IDH2: variants seen among roughly 807,000 people sequenced by gnomAD.
The protein encoded by IDH2 is isocitrate dehydrogenase [NADP], mitochondrial.
IDH2 carries 18 observed loss-of-function variants against 50.5 expected under a neutral mutation model. That is an observed-to-expected ratio of 0.36 (90% CI 0.25 to 0.53). IDH2 has a LOEUF of 0.53. Ranked by LOEUF, IDH2 falls within the 20% of genes least tolerant of loss-of-function variation. IDH2 has a pLI of 0.92. For missense variants in IDH2, 518 were observed against 610.7 expected (o/e 0.85, Z 1.60); for synonymous variants, 280 against 239.8 (o/e 1.17, Z -1.55).
intron 3 of IDH2, 28 bp downstream of exon 3, chr15:90,090,451 T>G (rs763923400): frequency 1.5e-5 from 24 of 1,610,648 alleles, no homozygotes; most frequent in Non-Finnish European, 2.0e-5. Flanking sequence ...TGACCCTCCC[T>G]GGCCCGCCCA....
chr15:90,097,273 T>C (rs1596080218), intron 1 of IDH2, among the ~76,000 whole-genome samples: 1 of 152,388 alleles, frequency 6.6e-6, no homozygotes, highest in East Asian at 1.9e-4. Context: ...TATATTGTTA[T>C]AATTGTTCTA....
intron 1 of IDH2, among the ~76,000 whole-genome samples, chr15:90,094,872 A>C (rs1901138739): frequency 6.6e-6 from 1 of 151,522 alleles, no homozygotes; most frequent in African/African-American, 2.4e-5. Flanking sequence ...ACTGCACTCC[A>C]GCCTGGGCAA....
chr15:90,097,583 T>C (rs1901214316), intron 1 of IDH2, among the ~76,000 whole-genome samples: 1 of 152,178 alleles, frequency 6.6e-6, no homozygotes, highest in South Asian at 2.1e-4. Flanking sequence ...AGACAAATAC[T>C]ATATGCTTCT....
Position 90,084,018 on chromosome 15 carries a change from T to C in IDH2, c.*248A>G, listed in dbSNP as rs1900788959. On this transcript the variant is annotated 3_prime_UTR_variant, in exon 11 of 11. Transcript: ENST00000330062. The surrounding 1 kb of genome is among the most constrained non-coding windows in gnomAD (Gnocchi z 5.0). ...TTTAGTAGCTAAATATGGCACCATG[T>C]GTTCCAAGGGCAATATAAATTACAG... The C allele has an allele frequency of 8.8e-6, 5 of 566,324 alleles. No homozygotes were observed. The South Asian group carries it at 1.0e-4, about 12-fold the overall frequency. The allele number at this position is 566,324 out of a possible 1,614,324, so 35.1% of individuals were successfully genotyped here.
At position 90,087,508 on chromosome 15, in the gene IDH2, C is replaced by T. The variant is rs757725772; in HGVS notation, c.746G>A (p.Ser249Asn). 3.7e-6 allele frequency: 6 copies of T among 1,614,150 alleles called. No individual in the cohort carries two copies. The highest frequency in any genetic ancestry group is 5.1e-6 in the Non-Finnish European group (6 of 1,180,012). Reference protein sequence around the residue: ...AIQKKWPLYMSTKNTILKAYD... With the variant: ...AIQKKWPLYMNTKNTILKAYD... The stretch of plus-strand genomic sequence containing the variant: ...GGCTTTCAGTATGGTGTTCTTGGTG[C>T]TCATGTACAGCGGCCATTTCTTCTG... The change falls in exon 6 of 11, where the codon AGC becomes AAC. Residue 249 changes from serine to asparagine, a missense_variant. Physicochemically the swap from Ser to Asn is conservative, Grantham distance 46 (BLOSUM62 1). This residue lies in a region of IDH2 where 207 missense variants were observed against 208.6 expected (regional missense o/e 0.99). Coordinates refer to ENST00000330062, the MANE Select transcript of IDH2 (RefSeq NM_002168.4).
Position 90,100,634 on chromosome 15 carries a change from G to C in IDH2, c.115+1642C>G, listed in dbSNP as rs1307659698. On this transcript the variant is annotated intron_variant, in intron 1 of 10. Coordinates refer to ENST00000330062, the MANE Select transcript of IDH2 (RefSeq NM_002168.4). The surrounding 1 kb of genome is among the most constrained non-coding windows in gnomAD (Gnocchi z 4.1). Reference sequence around the variant, plus strand: ...GGCGTTGCAAAATAGGAAAAGATGCGTGCAGGAATTACCAGGCAGCAAAGA... The same window carrying C: ...GGCGTTGCAAAATAGGAAAAGATGCCTGCAGGAATTACCAGGCAGCAAAGA... The C allele has an allele frequency of 3.0e-6, 3 of 985,264 alleles. No homozygotes were observed. The allele number at this position is 985,264 out of a possible 1,614,324, so 61.0% of individuals were successfully genotyped here.
Position 90,085,886 on chromosome 15 carries a change from A to G in IDH2, c.968-499T>C, listed in dbSNP as rs1900847458. On this transcript the variant is annotated intron_variant, in intron 7 of 10. Coordinates refer to ENST00000330062, the MANE Select transcript of IDH2 (RefSeq NM_002168.4). The surrounding 1 kb of genome is among the most constrained non-coding windows in gnomAD (Gnocchi z 5.5). The stretch of plus-strand genomic sequence containing the variant: ...CATGTCAACTCCAGCAAGCTTTTCT[A>G]TTGTCAAGGACTCCAGGGCTTCAAA... Among the ~76,000 whole-genome samples the G allele has an allele frequency of 6.6e-6, 1 of 152,200 alleles. No individual in the cohort carries two copies. The highest frequency in any genetic ancestry group is 6.5e-5 in the Admixed American group (1 of 15,280).
chr15:90,092,990 C>A (rs2151552617), intron 1 of IDH2, among the ~76,000 whole-genome samples: 1 of 152,338 alleles, frequency 6.6e-6, no homozygotes, highest in South Asian at 2.1e-4. Context: ...CAAAAACATG[C>A]CCAGCCCACC....
rs200054555 is a variant in IDH2, at chr15:90,088,755, G to T, written c.374-8C>A. 6.2e-7 allele frequency: 1 copy of T among 1,613,710 alleles called. No homozygotes were observed. The highest frequency in any genetic ancestry group is 1.7e-5 in the Admixed American group (1 of 59,980). ...TCTTCTTCAGCTTGAACTCTGTGAG[G>T]ACAGAGATAATAGTGGTCCCACTGC... On this transcript the variant is annotated splice_region_variant and splice_polypyrimidine_tract_variant and intron_variant, in intron 3 of 10. Transcript: ENST00000330062.
At chr15:90,092,869 G>A (rs997629940) in intron 1 of IDH2, among the ~76,000 whole-genome samples, 8 of 152,142 alleles carry the variant, frequency 5.3e-5, no homozygotes, top group Non-Finnish European at 7.3e-5. Context: ...GTGAGCCACC[G>A]TGCCAGCCTA....
At position 90,087,555 on chromosome 15, in the gene IDH2, G is replaced by A. The variant is rs760567997; in HGVS notation, c.699C>T (p.His233=). The A allele has an allele frequency of 7.4e-6, 12 of 1,613,728 alleles. No homozygotes were observed. The South Asian group carries it at 1.2e-4, about 16-fold the overall frequency. The change falls in exon 6 of 11, where the codon CAC becomes CAT. Residue 233 remains histidine (H), a synonymous_variant. Coordinates refer to ENST00000330062, the MANE Select transcript of IDH2 (RefSeq NM_002168.4). ...NTDESISGFA[H]SCFQYAIQKK... The stretch of plus-strand genomic sequence containing the variant: ...TCTGGATGGCATACTGGAAGCAGCT[G>A]TGCGCAAAACCTGAGATGGACTGCA...
At position 90,084,600 on chromosome 15, in the gene IDH2, G is replaced by A. The variant is rs140057157; in HGVS notation, c.1271+216C>T. ...AAGCTGGGAAAGGGGTGTGGGCAGG[G>A]TCGGAAGGAGCTCTGAGTAGCCAGC... is the stretch of plus-strand genomic sequence containing the variant. On this transcript the variant is annotated intron_variant, in intron 10 of 10. Transcript: ENST00000330062. The surrounding 1 kb of genome is among the most constrained non-coding windows in gnomAD (Gnocchi z 5.0). Among the ~76,000 whole-genome samples, 12 of 152,282 alleles carry A rather than the reference G, an allele frequency of 7.9e-5. No homozygotes were observed. In the East Asian group the frequency reaches 2.3e-3, roughly 29 times the overall value.
In IDH2 at chr15:90,098,531, C is replaced by CATGTATGTATGTATGCATGTATGT. The variant is rs138094075; in HGVS notation, c.115+3744_115+3745insACATACATGCATACATACATACAT. 0.01 allele frequency among the ~76,000 whole-genome samples: 1,431 copies of CATGTATGTATGTATGCATGTATGT among 138,456 alleles called. 25 individuals carry two copies. Among genetic ancestry groups the CATGTATGTATGTATGCATGTATGT allele is most frequent in the Non-Finnish European group, 0.014 (904 of 62,866 alleles). The allele number at this position is 138,456 out of a possible 152,430, so 90.8% of individuals were successfully genotyped here. On this transcript the variant is annotated intron_variant, in intron 1 of 10. Coordinates refer to ENST00000330062, the MANE Select transcript of IDH2 (RefSeq NM_002168.4). The surrounding 1 kb of genome is among the most constrained non-coding windows in gnomAD (Gnocchi z 5.1). ...GTATGTATGTATGTATGTATGCATG[C>CATGTATGTATGTATGCATGTATGT]ATGTATGTATGTATGTATGTATGTA...
chr15:90,102,168 G>T, intron 1 of IDH2, 108 bp downstream of exon 1: 1 of 406,970 alleles, frequency 2.5e-6, no homozygotes, highest in Non-Finnish European at 4.0e-6. Context: ...TGACCCCGCC[G>T]TCCCCGGGCT....
Position 90,088,361 on chromosome 15 carries a change from C to T in IDH2, c.676G>A (p.Glu226Lys), listed in dbSNP as rs576407061. The T allele has an allele frequency of 2.9e-5, 47 of 1,613,480 alleles. No homozygotes were observed. Among genetic ancestry groups the T allele is most frequent in the African/African-American group, 5.3e-5 (4 of 75,040 alleles). The change falls in exon 5 of 11, where the codon GAG becomes AAG. Residue 226 changes from glutamate to lysine, a missense_variant and splice_region_variant. Transcript: ENST00000330062. ...CAGGATGCCCAAGCCAGCCTCACCT[C>T]GTCGGTGTTGTACATGCCCATGCCC... ...GVGMGMYNTD[E>K]SISGFAHSCF...
Position 90,087,152 on chromosome 15 carries a change from C to T in IDH2, c.927G>A (p.Lys309=). 1 of 1,614,210 alleles carries T rather than the reference C, an allele frequency of 6.2e-7. No individual in the cohort carries two copies. The change falls in exon 7 of 11, where the codon AAG becomes AAA. Residue 309 remains lysine (K), a synonymous_variant. Coordinates refer to ENST00000330062, the MANE Select transcript of IDH2 (RefSeq NM_002168.4). ...CTGACTGCACATCTCCGTCATAGTTCTTGCAGGCCCACACAAAGCCACCCG... is the reference window on the plus strand; with the variant it reads ...CTGACTGCACATCTCCGTCATAGTTTTTGCAGGCCCACACAAAGCCACCCG... ...KSSGGFVWAC[K]NYDGDVQSDI...
chr15:90,092,743 A>AT (rs1419432233), intron 1 of IDH2, among the ~76,000 whole-genome samples: 1 of 151,886 alleles, frequency 6.6e-6, no homozygotes, highest in South Asian at 2.1e-4. Context: ...CACCTGGCTA[A>AT]TTTTTTGTAT....
In IDH2 at chr15:90,083,733, G is replaced by A. The variant is rs1303766003; in HGVS notation, c.*533C>T. 1.0e-5 allele frequency: 2 copies of A among 194,008 alleles called. No individual in the cohort carries two copies. Among genetic ancestry groups the A allele is most frequent in the Non-Finnish European group, 2.2e-5 (2 of 91,404 alleles). 12.0% of individuals were successfully genotyped at this position (194,008 alleles called of 1,614,324 possible). On this transcript the variant is annotated 3_prime_UTR_variant, in exon 11 of 11. Coordinates refer to ENST00000330062, the MANE Select transcript of IDH2 (RefSeq NM_002168.4). Reference sequence around the variant, plus strand: ...GATTGACTCTCAGAATGGAGAACTGGACACAGAAACTGGATCATGCTAGAA... The same window carrying A: ...GATTGACTCTCAGAATGGAGAACTGAACACAGAAACTGGATCATGCTAGAA...
In IDH2 at chr15:90,100,939, T is replaced by G. The variant is rs75130931; in HGVS notation, c.115+1337A>C. Among the ~76,000 whole-genome samples, 1 of 9,042 alleles carries G rather than the reference T, an allele frequency of 1.1e-4. No homozygotes were observed. The highest frequency in any genetic ancestry group is 3.7e-4 in the African/African-American group (1 of 2,708). The allele number at this position is 9,042 out of a possible 152,430, so 5.9% of individuals were successfully genotyped here. A position where few individuals can be genotyped will look rare whatever the true frequency, so the allele number is the denominator to read the frequency against. On this transcript the variant is annotated intron_variant, in intron 1 of 10. Coordinates refer to ENST00000330062, the MANE Select transcript of IDH2 (RefSeq NM_002168.4). This position sits in a 1 kb window ranked among gnomAD's most constrained non-coding sequence, Gnocchi z 4.1. ...GTGTGTTTTTCGGGTTGTTTGTTTC[T>G]TTTTTTTTTTTTTACCATCAAGGCA...
Sources: gnomAD v4.1 joint callset for allele counts (sites outside exome capture counted in the v4.1 genomes callset) on GRCh38, gnomAD v4.1.1 for gene constraint, gnomAD v4.1.1 regional missense constraint, Gnocchi (gnomAD v3.1) non-coding constraint, MANE v1.5 for transcripts, NCBI Gene and HGNC (gene_info 2026-07-23, HGNC 2026-07-21) for gene names.